HMGCS1: variants seen among roughly 807,000 people sequenced by gnomAD.
The protein encoded by HMGCS1 is hydroxymethylglutaryl-CoA synthase, cytoplasmic.
HMGCS1 carries 9 observed loss-of-function variants against 52.3 expected under a neutral mutation model. The observed-to-expected ratio is 0.17, with a 90% confidence interval of 0.10 to 0.30. The LOEUF is 0.30. HMGCS1 is among the 10% of genes least tolerant of loss of function. The pLI, the probability that HMGCS1 is intolerant of heterozygous loss-of-function variation, is 1.00. For synonymous variants in HMGCS1, 176 were observed against 214.4 expected, an observed-to-expected ratio of 0.82 and a Z score of 1.57; for missense variants, 320 against 620.9, an observed-to-expected ratio of 0.52 and a Z score of 5.15.
intron 2 of HMGCS1, among the ~76,000 whole-genome samples, chr5:43,305,136 G>A (rs1432675326): frequency 1.2e-4 from 18 of 152,012 alleles, no homozygotes; most frequent in Non-Finnish European, 1.6e-4. Flanking sequence ...ACAGGCGGGT[G>A]CCACCACACC....
chr5:43,292,791 C>T, intron 9 of HMGCS1, 57 bp downstream of exon 9: 1 of 1,575,126 alleles, frequency 6.3e-7, no homozygotes, highest in Non-Finnish European at 8.7e-7. Flanking sequence ...TATGTAGCAT[C>T]CTTAATGATA....
chr5:43,299,096 G>A, intron 2 of HMGCS1, 121 bp from the exon 3 acceptor site: 1 of 696,758 alleles, frequency 1.4e-6, no homozygotes, highest in Non-Finnish European at 2.4e-6. Context: ...GTTTCTTTAA[G>A]TTTAGTATTT....
intron 1 of HMGCS1, 154 bp downstream of exon 1, chr5:43,313,202 G>C (rs1754966252): frequency 6.6e-6 from 1 of 152,556 alleles, no homozygotes; most frequent in South Asian, 2.1e-4. Flanking sequence ...CCCCGCTCAC[G>C]GTGCCCCATC....
rs1579643985 is a variant in HMGCS1 at position 43,297,072 on chromosome 5, C to T, written c.669G>A (p.Gln223=). The change falls in exon 5 of 11, where the codon CAG becomes CAA. Residue 223 remains glutamine (Q), a synonymous_variant. Transcript: ENST00000325110. ...AGCGGTCTAATGCACTGAGGTAGCACTGTATGGAGAGTTTTCCATCTACTA... is the reference window on the plus strand; with the variant it reads ...AGCGGTCTAATGCACTGAGGTAGCATTGTATGGAGAGTTTTCCATCTACTA... ...YPIVDGKLSI[Q]CYLSALDRCY... 3.7e-6 allele frequency: 6 copies of T among 1,613,564 alleles called. No individual in the cohort carries two copies. The East Asian group carries it at 1.3e-4, about 36-fold the overall frequency.
At chr5:43,308,780 G>T (rs886779207) in intron 1 of HMGCS1, among the ~76,000 whole-genome samples, 3 of 151,900 alleles carry the variant, frequency 2.0e-5, no homozygotes, top group African/African-American at 7.3e-5. Context: ...AACTACATTC[G>T]GATGTTATTA....
chr5:43,305,494 G>T (rs1754522375), intron 2 of HMGCS1, among the ~76,000 whole-genome samples: 1 of 152,020 alleles, frequency 6.6e-6, no homozygotes, highest in Non-Finnish European at 1.5e-5. Context: ...AAGAGGCCGG[G>T]TGTGATGGCT....
chr5:43,301,675 C>G (rs1259211352), intron 2 of HMGCS1, among the ~76,000 whole-genome samples: 2 of 152,184 alleles, frequency 1.3e-5, no homozygotes. Flanking sequence ...TGCTGTTTTA[C>G]AGTCACTGGT....
rs1018397376 is a variant in HMGCS1 at position 43,288,984 on chromosome 5, C to T, written c.*2147G>A. On this transcript the variant is annotated 3_prime_UTR_variant, in exon 11 of 11. Transcript: ENST00000325110. ...CTCTAGCTGGTAGTGGGCAGTTCTA[C>T]GTTCACCACTAAATTTGCTCTTATT... 1 of 152,164 alleles carries T rather than the reference C, an allele frequency of 6.6e-6. No homozygotes were observed. The highest frequency in any genetic ancestry group is 2.1e-4 in the South Asian group (1 of 4,832). The allele number at this position is 152,164 out of a possible 1,614,324, so 9.4% of individuals were successfully genotyped here.
Position 43,305,777 on chromosome 5 carries a change from G to A in HMGCS1, c.-11+1989C>T, listed in dbSNP as rs538905743. 7.3e-3 allele frequency among the ~76,000 whole-genome samples: 554 copies of A among 75,386 alleles called. 6 individuals carry two copies. Among genetic ancestry groups the A allele is most frequent in the African/African-American group, 0.03 (511 of 16,842 alleles). The allele number at this position is 75,386 out of a possible 152,430, so 49.5% of individuals were successfully genotyped here. On this transcript the variant is annotated intron_variant, in intron 2 of 10. Coordinates refer to ENST00000325110, the MANE Select transcript of HMGCS1 (RefSeq NM_001098272.3). ...AGCCTGGGTCACAGAGTGAGACTCC[G>A]TCTCAAAAAAAAAAAAAAAAAAATT...
chr5:43,298,672 G>A lies in HMGCS1; in HGVS notation c.294C>T (p.Ile98=), dbSNP rs756346664. ...TAGTCTTCACAGACTTTGATTTGTC[G>A]ATGATTGTCTCTGTTCCAACTTCCA... ...GRLEVGTETI[I]DKSKSVKTNL... Residue 98 remains isoleucine (I), a synonymous_variant, in exon 3 of 11, where the codon ATC becomes ATT. Transcript: ENST00000325110. This position sits in a 1 kb window ranked among gnomAD's most constrained non-coding sequence, Gnocchi z 5.6. The A allele has an allele frequency of 1.2e-5, 20 of 1,614,036 alleles. No individual in the cohort carries two copies. Among genetic ancestry groups the A allele is most frequent in the South Asian group, 4.4e-5 (4 of 91,090 alleles).
intron 7 of HMGCS1, chr5:43,294,383 TTGTG>T: frequency 1.9e-6 from 1 of 517,734 alleles, no homozygotes; most frequent in Non-Finnish European, 3.4e-6. Context: ...ATGACAGAGC[TTGTG>T]AAAGTCATGC....
rs1389733093 is a variant in HMGCS1 at position 43,290,647 on chromosome 5, CCAATTTTACCA to C, written c.*473_*483del. ...GTATCACATTTTACCACATTTTACC[CCAATTTTACCA>C]CACTGGGGAATGTTGTCACATTCCC... is the stretch of plus-strand genomic sequence containing the variant. On this transcript the variant is annotated 3_prime_UTR_variant, in exon 11 of 11. Coordinates refer to ENST00000325110, the MANE Select transcript of HMGCS1 (RefSeq NM_001098272.3). 1 of 152,576 alleles carries C rather than the reference CCAATTTTACCA, an allele frequency of 6.6e-6. No individual in the cohort carries two copies. Among genetic ancestry groups the C allele is most frequent in the African/African-American group, 2.4e-5 (1 of 41,436 alleles). 9.5% of individuals were successfully genotyped at this position (152,576 alleles called of 1,614,324 possible).
Position 43,292,502 on chromosome 5 carries a change from C to A in HMGCS1, c.1445G>T (p.Gly482Val), listed in dbSNP as rs1417315279. The change falls in exon 10 of 11, where the codon GGA (glycine) becomes GTA (valine). Residue 482 changes from glycine (G) to valine (V), a missense_variant. This residue lies in a region of HMGCS1 where 213 missense variants were observed against 337.4 expected (regional missense o/e 0.63). Transcript: ENST00000325110. ...AGTTGCTATGTTTGAATGCACAAGTCCTACTCCTTCATCCAAAGTGTCATC... is the reference window on the plus strand; with the variant it reads ...AGTTGCTATGTTTGAATGCACAAGTACTACTCCTTCATCCAAAGTGTCATC... ...PNDDTLDEGV[G>V]LVHSNIATEH... 1 of 1,613,950 alleles carries A rather than the reference C, an allele frequency of 6.2e-7. No homozygotes were observed.
At position 43,289,330 on chromosome 5, in the gene HMGCS1, T is replaced by C. The variant is rs1294643605; in HGVS notation, c.*1801A>G. ...TGAAATTAATGCCCATATTTAAAAA[T>C]AGAATATTAGCTGATTTCTTGCCGA... On this transcript the variant is annotated 3_prime_UTR_variant, in exon 11 of 11. Transcript: ENST00000325110. 1.3e-5 allele frequency: 2 copies of C among 152,646 alleles called. No homozygotes were observed. The highest frequency in any genetic ancestry group is 6.5e-5 in the Admixed American group (1 of 15,272). The allele number at this position is 152,646 out of a possible 1,614,324, so 9.5% of individuals were successfully genotyped here. A position where few individuals can be genotyped will look rare whatever the true frequency, so the allele number is the denominator to read the frequency against.
intron 2 of HMGCS1, among the ~76,000 whole-genome samples, chr5:43,304,901 ATTAAG>A (rs572324363): frequency 2.6e-5 from 4 of 152,370 alleles, no homozygotes; most frequent in East Asian, 1.9e-4. Flanking sequence ...AAAGAGAGTG[ATTAAG>A]TTGACAGGAA....
Position 43,290,231 on chromosome 5 carries a change from T to A in HMGCS1, c.*900A>T, listed in dbSNP as rs1753680846. ...CTGCCCCTATTCTTCCCTTCCATTT[T>A]AAATTTTTAAAAAAGTAACCAGAAA... On this transcript the variant is annotated 3_prime_UTR_variant, in exon 11 of 11. Coordinates refer to ENST00000325110, the MANE Select transcript of HMGCS1 (RefSeq NM_001098272.3). The A allele has an allele frequency of 1.3e-5, 2 of 152,610 alleles. No individual in the cohort carries two copies. Among genetic ancestry groups the A allele is most frequent in the African/African-American group, 4.8e-5 (2 of 41,432 alleles). The allele number at this position is 152,610 out of a possible 1,614,324, so 9.5% of individuals were successfully genotyped here. A position where few individuals can be genotyped will look rare whatever the true frequency, so the allele number is the denominator to read the frequency against.
chr5:43,306,738 A>G (rs1222810584), intron 2 of HMGCS1, among the ~76,000 whole-genome samples: 1 of 152,224 alleles, frequency 6.6e-6, no homozygotes, highest in Non-Finnish European at 1.5e-5. Context: ...TTATATTTCA[A>G]ACTGCCAAGT....
intron 9 of HMGCS1, 63 bp downstream of exon 9, chr5:43,292,785 T>C (rs1753842716): frequency 1.3e-6 from 2 of 1,553,678 alleles, no homozygotes; most frequent in Non-Finnish European, 8.9e-7. Context: ...ATCGTATATG[T>C]AGCATCCTTA....
intron 10 of HMGCS1, 80 bp downstream of exon 10, chr5:43,292,394 A>C (rs1561108457): frequency 1.1e-5 from 13 of 1,198,250 alleles, no homozygotes; most frequent in Non-Finnish European, 1.4e-5. Context: ...ACTCTTCTTT[A>C]CTGACATTTA....
Sources: allele counts gnomAD v4.1 joint callset (sites outside exome capture counted in the v4.1 genomes callset), GRCh38; gene constraint gnomAD v4.1.1; regional missense constraint gnomAD v4.1.1; non-coding constraint Gnocchi (gnomAD v3.1); transcripts MANE v1.5; gene names NCBI Gene and HGNC (gene_info 2026-07-23, HGNC 2026-07-21).